Variants in SBF2 observed in about 807,000 individuals in gnomAD.
SBF2 encodes the protein SET binding factor 2.
Under a neutral mutation model 225.2 loss-of-function variants are expected in SBF2, and 112 were observed. That is an observed-to-expected ratio of 0.50 (90% CI 0.43 to 0.58). The LOEUF (loss-of-function observed/expected upper bound fraction) is 0.58. SBF2 is among the 20% of genes least tolerant of loss of function. SBF2 has a pLI of 0.00. For missense variants in SBF2, 1,996 were observed against 2,206.2 expected (o/e 0.90, Z 1.91); for synonymous variants, 763 against 773.3 (o/e 0.99, Z 0.22).
At chr11:9,967,971 C>CTCTCTCTCTATATATA (rs1260685462) in intron 14 of SBF2, among the ~76,000 whole-genome samples, 9 of 91,504 alleles carry the variant, frequency 9.8e-5, no homozygotes, top group African/African-American at 2.6e-4. Context: ...CTCTCTCTCT[C>CTCTCTCTCTATATATA]TATATATATA....
At chr11:9,858,794 C>T (rs1360541708) in intron 17 of SBF2, among the ~76,000 whole-genome samples, 3 of 152,250 alleles carry the variant, frequency 2.0e-5, no homozygotes, top group Admixed American at 2.0e-4. Context: ...TTAGGGTACT[C>T]TTTTTAAAGA....
intron 35 of SBF2, among the ~76,000 whole-genome samples, chr11:9,788,761 A>ATTTTTT (rs148717661): frequency 4.4e-5 from 6 of 134,834 alleles, no homozygotes; most frequent in South Asian, 2.4e-4. Flanking sequence ...CGCCCGGCTA[A>ATTTTTT]TTTTTTTTTT....
intron 13 of SBF2, among the ~76,000 whole-genome samples, chr11:9,970,917 T>C (rs1867287249): frequency 6.6e-6 from 1 of 152,226 alleles, no homozygotes; most frequent in African/African-American, 2.4e-5. Flanking sequence ...AAAAGTGTTT[T>C]ACAATTCTGT....
At chr11:10,076,895 C>T (rs1196744154) in intron 2 of SBF2, among the ~76,000 whole-genome samples, 1 of 152,142 alleles carries the variant, frequency 6.6e-6, no homozygotes, top group African/African-American at 2.4e-5. Context: ...CCAGCCTAGC[C>T]CCATTTGGCC....
chr11:9,923,578 T>C (rs1384810215), intron 16 of SBF2, among the ~76,000 whole-genome samples: 1 of 152,186 alleles, frequency 6.6e-6, no homozygotes, highest in African/African-American at 2.4e-5. Context: ...GAAAAGCTAT[T>C]TACAATGGGA....
intron 1 of SBF2, among the ~76,000 whole-genome samples, chr11:10,260,223 TA>T (rs1234925193): frequency 6.6e-6 from 1 of 152,230 alleles, no homozygotes; most frequent in Non-Finnish European, 1.5e-5. Context: ...TGTATTTCAA[TA>T]AGACTATTAC....
intron 2 of SBF2, among the ~76,000 whole-genome samples, chr11:10,113,624 C>G (rs1952984060): frequency 6.6e-6 from 1 of 151,938 alleles, no homozygotes; most frequent in South Asian, 2.1e-4. Flanking sequence ...ATGATCCGTG[C>G]CCTTATAAAG....
At chr11:9,988,866 T>G (rs777742747) in intron 13 of SBF2, among the ~76,000 whole-genome samples, 2 of 152,068 alleles carry the variant, frequency 1.3e-5, no homozygotes, top group Non-Finnish European at 2.9e-5. Flanking sequence ...GAACTAAAAG[T>G]AGAATTACCA....
intron 1 of SBF2, among the ~76,000 whole-genome samples, chr11:10,231,141 G>A (rs1317010167): frequency 4.6e-5 from 7 of 152,096 alleles, no homozygotes; most frequent in African/African-American, 1.7e-4. Flanking sequence ...TAATTCTCAT[G>A]CCGTGGATTT....
chr11:9,899,226 GT>G (rs1270482758), intron 16 of SBF2, among the ~76,000 whole-genome samples: 2 of 151,624 alleles, frequency 1.3e-5, no homozygotes, highest in East Asian at 3.9e-4. Flanking sequence ...GGGTGTGGTG[GT>G]TCATACTTAT....
intron 6 of SBF2, among the ~76,000 whole-genome samples, chr11:10,010,730 T>C (rs138953631): frequency 0.015 from 2,299 of 152,306 alleles, 53 homozygotes; most frequent in African/African-American, 0.051. Flanking sequence ...GGCTCTTCTT[T>C]GGTTTCATTT....
At chr11:10,077,761 T>A (rs1951179067) in intron 2 of SBF2, among the ~76,000 whole-genome samples, 1 of 152,120 alleles carries the variant, frequency 6.6e-6, no homozygotes. Flanking sequence ...CCAAAAGCAA[T>A]GGCAACAAAG....
chr11:10,074,543 T>C (rs993285020), intron 2 of SBF2, among the ~76,000 whole-genome samples: 8 of 152,248 alleles, frequency 5.3e-5, no homozygotes, highest in Non-Finnish European at 2.9e-5. Context: ...CAAAGTTATC[T>C]CTCAAAGTCT....
intron 2 of SBF2, among the ~76,000 whole-genome samples, chr11:10,155,933 A>C (rs2135189223): frequency 6.6e-6 from 1 of 152,326 alleles, no homozygotes; most frequent in East Asian, 1.9e-4. Flanking sequence ...GCAGTCAGGG[A>C]CGTGTGGCTG....
chr11:10,302,818 G>C (rs1472312066), intron 1 of SBF2: 2 of 152,950 alleles, frequency 1.3e-5, no homozygotes, highest in Non-Finnish European at 2.9e-5. Context: ...GAACACCCCC[G>C]CCGCGCCCCA....
In SBF2 at chr11:10,199,921, G is replaced by C. The variant is rs1193480209; in HGVS notation, c.56-5934C>G. Among the ~76,000 whole-genome samples the C allele has an allele frequency of 3.3e-5, 5 of 152,260 alleles. No individual in the cohort carries two copies. In the East Asian group the frequency reaches 9.7e-4, roughly 29 times the overall value. ...AAGGCTTCTCAAAAAATTAAAAATA[G>C]AACTATCATATGTTCCAACAATCCC... On this transcript the variant is annotated intron_variant, in intron 1 of 39. Coordinates refer to ENST00000256190, the MANE Select transcript of SBF2 (RefSeq NM_030962.4).
At chr11:10,206,647 A>G (rs892576920) in intron 1 of SBF2, among the ~76,000 whole-genome samples, 1 of 152,132 alleles carries the variant, frequency 6.6e-6, no homozygotes, top group Non-Finnish European at 1.5e-5. Context: ...GCACAGAAAT[A>G]CGTTATAAAT....
At chr11:9,834,082 T>G (rs1855588187) in intron 26 of SBF2, among the ~76,000 whole-genome samples, 1 of 150,246 alleles carries the variant, frequency 6.7e-6, no homozygotes, top group Non-Finnish European at 1.5e-5. Flanking sequence ...GGTATCTTTT[T>G]ATTTATTTTA....
chr11:10,231,728 G>A (rs1958855050), intron 1 of SBF2, among the ~76,000 whole-genome samples: 1 of 152,204 alleles, frequency 6.6e-6, no homozygotes, highest in Non-Finnish European at 1.5e-5. Context: ...ACTGGGGGGT[G>A]CCTCCCAGTT....
Sources: gnomAD v4.1 joint callset for allele counts (sites outside exome capture counted in the v4.1 genomes callset) on GRCh38, gnomAD v4.1.1 for gene constraint, MANE v1.5 for transcripts, NCBI Gene and HGNC (gene_info 2026-07-23, HGNC 2026-07-21) for gene names.